Variants in RARB observed in about 807,000 individuals in gnomAD.
RARB encodes HBV-activated protein.
A neutral mutation model predicts 51.9 loss-of-function variants in RARB; 17 were observed. The ratio of observed to expected loss-of-function variants is 0.33; its 90% CI spans 0.22 to 0.49. The LOEUF is 0.49. RARB is among the 20% of genes least tolerant of loss of function. The pLI is 0.99. For missense variants in RARB, 369 were observed against 550.8 expected, an observed-to-expected ratio of 0.67 and a Z score of 3.30; for synonymous variants, 215 against 195.4, an observed-to-expected ratio of 1.10 and a Z score of -0.84.
At chr3:24,938,632 G>T (rs745518382) in intron 2 of RARB, among the ~76,000 whole-genome samples, 1 of 152,046 alleles carries the variant, frequency 6.6e-6, no homozygotes, top group Non-Finnish European at 1.5e-5. Flanking sequence ...CATTAAGCAC[G>T]CTCACAGTGT....
chr3:25,325,225 C>T lies in RARB; in HGVS notation c.179-135968C>T, dbSNP rs1202162371. On this transcript the variant is annotated intron_variant, in intron 5 of 11. Transcript: ENST00000383772. ...TGTTGCCATGGCATTTGTAAATTATCAGGGTGCTGGTGGGAGTGTCTCTCA... is the reference window on the plus strand; with the variant it reads ...TGTTGCCATGGCATTTGTAAATTATTAGGGTGCTGGTGGGAGTGTCTCTCA... Among the ~76,000 whole-genome samples the T allele has an allele frequency of 2.6e-5, 4 of 152,082 alleles. 1 individual carries two copies. The East Asian group carries it at 7.7e-4, about 29-fold the overall frequency.
At chr3:25,107,361 G>A (rs1194889267) in intron 3 of RARB, among the ~76,000 whole-genome samples, 1 of 152,188 alleles carries the variant, frequency 6.6e-6, no homozygotes, top group Non-Finnish European at 1.5e-5. Context: ...AAAGTGTAGA[G>A]AGGTTCTGAG....
intron 3 of RARB, among the ~76,000 whole-genome samples, chr3:25,130,671 A>G (rs1016295327): frequency 6.6e-6 from 1 of 151,638 alleles, no homozygotes; most frequent in African/African-American, 2.4e-5. Context: ...CTCCAATTCA[A>G]CCCTGAGCAT....
chr3:25,307,899 A>G (rs1220756651), intron 5 of RARB, among the ~76,000 whole-genome samples: 1 of 152,226 alleles, frequency 6.6e-6, no homozygotes, highest in Non-Finnish European at 1.5e-5. Context: ...ATTTGTTTAC[A>G]TATTATCTGT....
chr3:25,333,097 G>C (rs549060097), intron 5 of RARB, among the ~76,000 whole-genome samples: 56 of 152,008 alleles, frequency 3.7e-4, no homozygotes, highest in Admixed American at 9.2e-4. Flanking sequence ...AATGGCCATA[G>C]TGCCCAAGGT....
intron 2 of RARB, among the ~76,000 whole-genome samples, chr3:24,896,543 G>A (rs766590859): frequency 6.6e-6 from 1 of 152,172 alleles, no homozygotes; most frequent in Non-Finnish European, 1.5e-5. Context: ...ACAGGTGCCA[G>A]CCACCGCGCC....
At chr3:25,422,207 CATT>C (rs1240158084) in intron 5 of RARB, among the ~76,000 whole-genome samples, 1 of 152,186 alleles carries the variant, frequency 6.6e-6, no homozygotes, top group African/African-American at 2.4e-5. Flanking sequence ...CAGTTGTAGA[CATT>C]ATCCTTTATT....
intron 5 of RARB, among the ~76,000 whole-genome samples, chr3:25,336,366 G>C (rs934932874): frequency 2.0e-5 from 3 of 152,104 alleles, no homozygotes; most frequent in African/African-American, 7.2e-5. Flanking sequence ...GATAACTTCA[G>C]TACTTACTAT....
At chr3:25,030,700 A>C (rs1697853035) in intron 2 of RARB, among the ~76,000 whole-genome samples, 1 of 152,158 alleles carries the variant, frequency 6.6e-6, no homozygotes, top group South Asian at 2.1e-4. Context: ...TCTTCCTGGA[A>C]AAGCTGTGGA....
chr3:24,932,539 C>A (rs1031224107), intron 2 of RARB, among the ~76,000 whole-genome samples: 1 of 150,782 alleles, frequency 6.6e-6, no homozygotes, highest in Non-Finnish European at 1.5e-5. Context: ...TGCATTTTTA[C>A]ACACATACCT....
chr3:24,924,770 C>T (rs73137232), intron 2 of RARB, among the ~76,000 whole-genome samples: 161 of 152,162 alleles, frequency 1.1e-3, no homozygotes, highest in African/African-American at 3.8e-3. Context: ...CTGCAGGGCC[C>T]GAGCTCAAAA....
chr3:25,073,842 T>C (rs575566078), intron 3 of RARB, among the ~76,000 whole-genome samples: 3 of 152,294 alleles, frequency 2.0e-5, no homozygotes, highest in South Asian at 4.2e-4. Flanking sequence ...TTTTTTTTTT[T>C]TATCAACTAT....
At chr3:25,456,554 AT>A (rs35056259) in intron 1 of RARB, among the ~76,000 whole-genome samples, 355 of 44,106 alleles carry the variant, frequency 8.0e-3, no homozygotes, top group African/African-American at 0.017. Flanking sequence ...TATACCACTG[AT>A]TTTTTTTTTT....
chr3:25,043,326 G>A (rs1399704303), intron 2 of RARB, among the ~76,000 whole-genome samples: 8 of 152,122 alleles, frequency 5.3e-5, no homozygotes, highest in South Asian at 2.1e-4. Context: ...TCATTTATAC[G>A]TGGGCCACAT....
chr3:25,419,731 A>G (rs1159903183), intron 5 of RARB, among the ~76,000 whole-genome samples: 1 of 152,214 alleles, frequency 6.6e-6, no homozygotes, highest in Non-Finnish European at 1.5e-5. Flanking sequence ...TCACTGCAGC[A>G]GATCCTACAT....
chr3:25,095,073 A>AT (rs978329458), intron 3 of RARB, among the ~76,000 whole-genome samples: 6 of 152,096 alleles, frequency 3.9e-5, no homozygotes, highest in Admixed American at 1.3e-4. Flanking sequence ...TGGTCCAGTG[A>AT]TTTTTTTCCC....
At chr3:25,341,201 G>A (rs79287399) in intron 5 of RARB, among the ~76,000 whole-genome samples, 14,334 of 152,156 alleles carry the variant, frequency 0.094, 804 homozygotes, top group South Asian at 0.2. Context: ...ATCTAAGACC[G>A]TGCCTGGCAT....
At chr3:25,099,951 G>T (rs1271093108) in intron 3 of RARB, among the ~76,000 whole-genome samples, 1 of 152,152 alleles carries the variant, frequency 6.6e-6, no homozygotes, top group South Asian at 2.1e-4. Context: ...CTTGGCCTAC[G>T]ATCTTAATTT....
At chr3:25,027,423 C>A (rs1265267991) in intron 2 of RARB, among the ~76,000 whole-genome samples, 1 of 152,116 alleles carries the variant, frequency 6.6e-6, no homozygotes, top group Non-Finnish European at 1.5e-5. Flanking sequence ...ACATCTTCCC[C>A]CCCATATGAT....
Sources: allele counts gnomAD v4.1 joint callset (sites outside exome capture counted in the v4.1 genomes callset), GRCh38; gene constraint gnomAD v4.1.1; transcripts MANE v1.5; gene names NCBI Gene and HGNC (gene_info 2026-07-23, HGNC 2026-07-21).